Variants in RNGTT observed in about 807,000 individuals in gnomAD.
RNGTT encodes the protein mRNA-capping enzyme.
Under a neutral mutation model 79.3 loss-of-function variants are expected in RNGTT, and 33 were observed. The observed-to-expected ratio is 0.42, with a 90% CI of 0.32 to 0.56. The LOEUF (loss-of-function observed/expected upper bound fraction) is 0.56, where lower values mean the gene tolerates loss of function less well. RNGTT is among the 20% of genes least tolerant of loss of function. RNGTT has a pLI of 0.17. For synonymous variants in RNGTT, 222 were observed against 235.9 expected (o/e 0.94, Z 0.54); for missense variants, 497 against 739.1 (o/e 0.67, Z 3.80).
intron 4 of RNGTT, among the ~76,000 whole-genome samples, chr6:88,919,941 G>A (rs899069357): frequency 1.3e-5 from 2 of 151,896 alleles, no homozygotes; most frequent in African/African-American, 2.4e-5. Flanking sequence ...CACCCGCCTC[G>A]GCCTCCCAAA....
At chr6:88,853,800 TATA>T (rs771960125) in intron 8 of RNGTT, 36 bp from the exon 9 acceptor site, 2 of 1,341,328 alleles carry the variant, frequency 1.5e-6, no homozygotes, top group Non-Finnish European at 1.0e-6. Flanking sequence ...ATATTTACAG[TATA>T]ATATCAAGAA....
At chr6:88,654,183 C>A (rs1773895621) in intron 14 of RNGTT, among the ~76,000 whole-genome samples, 1 of 152,108 alleles carries the variant, frequency 6.6e-6, no homozygotes, top group Admixed American at 6.5e-5. Flanking sequence ...AATTTAGTAT[C>A]CATAAGGTTT....
intron 14 of RNGTT, among the ~76,000 whole-genome samples, chr6:88,645,526 A>G (rs1188876299): frequency 1.3e-5 from 2 of 152,226 alleles, no homozygotes; most frequent in Non-Finnish European, 2.9e-5. Context: ...ATGGAACCAA[A>G]AAAGAGCCTG....
At chr6:88,684,146 T>G (rs1159978758) in intron 13 of RNGTT, among the ~76,000 whole-genome samples, 2 of 152,190 alleles carry the variant, frequency 1.3e-5, no homozygotes, top group Non-Finnish European at 2.9e-5. Context: ...AAGTCTCATA[T>G]GTCATTAGGG....
chr6:88,866,240 T>C (rs1194079696), intron 8 of RNGTT, among the ~76,000 whole-genome samples: 1 of 152,144 alleles, frequency 6.6e-6, no homozygotes. Context: ...AATTAGAGAA[T>C]TATGGAATTA....
chr6:88,956,923 C>T (rs1191186256), intron 1 of RNGTT, among the ~76,000 whole-genome samples: 1 of 152,108 alleles, frequency 6.6e-6, no homozygotes, highest in Admixed American at 6.5e-5. Flanking sequence ...GTCCCAGCTA[C>T]TCAGGAGGCT....
At chr6:88,817,885 A>G (rs1009105583) in intron 11 of RNGTT, among the ~76,000 whole-genome samples, 1 of 145,848 alleles carries the variant, frequency 6.9e-6, no homozygotes, top group Non-Finnish European at 1.5e-5. Flanking sequence ...TCAGCCTCCC[A>G]AGTAGCTGGG....
intron 14 of RNGTT, among the ~76,000 whole-genome samples, chr6:88,642,578 C>T (rs1405331357): frequency 6.6e-6 from 1 of 152,064 alleles, no homozygotes; most frequent in Non-Finnish European, 1.5e-5. Flanking sequence ...AAATGTAAGT[C>T]AGCAATATTT....
chr6:88,693,011 C>T (rs531961355), intron 13 of RNGTT, among the ~76,000 whole-genome samples: 1 of 151,830 alleles, frequency 6.6e-6, no homozygotes, highest in South Asian at 2.1e-4. Flanking sequence ...GAAATTTATA[C>T]AAATAAACAC....
At chr6:88,695,283 A>G (rs1003972128) in intron 13 of RNGTT, among the ~76,000 whole-genome samples, 15 of 152,176 alleles carry the variant, frequency 9.9e-5, no homozygotes, top group African/African-American at 3.6e-4. Flanking sequence ...ATTAATACCC[A>G]AAATATATAA....
chr6:88,698,301 TGA>T (rs1775823205), intron 13 of RNGTT, among the ~76,000 whole-genome samples: 1 of 135,996 alleles, frequency 7.4e-6, no homozygotes, highest in African/African-American at 2.8e-5. Flanking sequence ...CATATATATA[TGA>T]AATATATATA....
At chr6:88,772,240 A>C (rs1778709516) in intron 12 of RNGTT, among the ~76,000 whole-genome samples, 1 of 151,996 alleles carries the variant, frequency 6.6e-6, no homozygotes, top group African/African-American at 2.4e-5. Context: ...AATTTAACCA[A>C]GGTGAATCAT....
intron 6 of RNGTT, among the ~76,000 whole-genome samples, chr6:88,902,888 G>T (rs756550787): frequency 6.6e-6 from 1 of 151,648 alleles, no homozygotes; most frequent in African/African-American, 2.4e-5. Flanking sequence ...GTAGAGACGG[G>T]GTTTCACATG....
chr6:88,691,242 C>T (rs1478898562), intron 13 of RNGTT, among the ~76,000 whole-genome samples: 1 of 152,142 alleles, frequency 6.6e-6, no homozygotes, highest in Non-Finnish European at 1.5e-5. Context: ...CGCTCTCTTC[C>T]TCCTGCTCTG....
At chr6:88,727,059 T>C (rs1226735387) in intron 13 of RNGTT, among the ~76,000 whole-genome samples, 1 of 151,972 alleles carries the variant, frequency 6.6e-6, no homozygotes, top group African/African-American at 2.4e-5. Context: ...TGTCCTAAAA[T>C]AACTGGTTGT....
At chr6:88,882,219 G>A (rs1782714353) in intron 8 of RNGTT, among the ~76,000 whole-genome samples, 1 of 152,020 alleles carries the variant, frequency 6.6e-6, no homozygotes, top group South Asian at 2.1e-4. Context: ...CTGCTATCTT[G>A]TTTTCTCAGA....
At chr6:88,675,756 C>G (rs1236683636) in intron 14 of RNGTT, among the ~76,000 whole-genome samples, 1 of 149,328 alleles carries the variant, frequency 6.7e-6, no homozygotes, top group African/African-American at 2.5e-5. Context: ...ATTAAACAAT[C>G]AGAAATTAAA....
chr6:88,803,114 C>T (rs1161067785), intron 11 of RNGTT, among the ~76,000 whole-genome samples: 1 of 152,208 alleles, frequency 6.6e-6, no homozygotes, highest in Non-Finnish European at 1.5e-5. Context: ...TCTGCCATTT[C>T]ATCCTTCAAA....
At position 88,959,596 on chromosome 6, in the gene RNGTT, T is replaced by C. The variant is rs561890107; in HGVS notation, c.64+3750A>G. ...TCAAATTAGCCTTCTACTCTTCATC[T>C]GTCACTTTTAAACTATCACTATTGT... On this transcript the variant is annotated intron_variant, in intron 1 of 15. Coordinates refer to ENST00000369485, the MANE Select transcript of RNGTT (RefSeq NM_003800.5). Among the ~76,000 whole-genome samples, 7 of 152,326 alleles carry C rather than the reference T, an allele frequency of 4.6e-5. No homozygotes were observed. In the East Asian group the frequency reaches 1.3e-3, roughly 29 times the overall value.
Sources: allele counts gnomAD v4.1 joint callset (sites outside exome capture counted in the v4.1 genomes callset), GRCh38; gene constraint gnomAD v4.1.1; transcripts MANE v1.5; gene names NCBI Gene and HGNC (gene_info 2026-07-23, HGNC 2026-07-21).